LAMC1: variants seen among roughly 807,000 people sequenced by gnomAD.
LAMC1 encodes the protein laminin subunit gamma-1.
Under a neutral mutation model 173.6 loss-of-function variants are expected in LAMC1, and 38 were observed. The ratio of observed to expected loss-of-function variants is 0.22; its 90% CI spans 0.17 to 0.29. The LOEUF (loss-of-function observed/expected upper bound fraction) is 0.29, where lower values mean the gene tolerates loss of function less well. LAMC1 is among the 10% of genes least tolerant of loss of function. The pLI, the probability that LAMC1 is intolerant of heterozygous loss-of-function variation, is 1.00. For missense variants in LAMC1, 1,824 were observed against 2,051.8 expected, an observed-to-expected ratio of 0.89 and a Z score of 2.14; for synonymous variants, 746 against 749.1, an observed-to-expected ratio of 1.00 and a Z score of 0.07.
At chr1:183,085,723 T>G (rs1220162570) in intron 1 of LAMC1, among the ~76,000 whole-genome samples, 1 of 152,124 alleles carries the variant, frequency 6.6e-6, no homozygotes, top group East Asian at 1.9e-4. Context: ...GCTCCGTTAC[T>G]GTAGGCATTT....
At chr1:183,059,820 T>G (rs575528990) in intron 1 of LAMC1, among the ~76,000 whole-genome samples, 30 of 152,230 alleles carry the variant, frequency 2.0e-4, no homozygotes, top group Non-Finnish European at 2.4e-4. Flanking sequence ...AGGTTTGGAT[T>G]TCATTTACCA....
At chr1:183,099,044 A>G (rs975544513) in intron 1 of LAMC1, among the ~76,000 whole-genome samples, 2 of 151,934 alleles carry the variant, frequency 1.3e-5, no homozygotes, top group Admixed American at 1.3e-4. Flanking sequence ...TGGTAGATTA[A>G]CTACACTCAC....
At chr1:183,107,632 C>T (rs987925474) in intron 2 of LAMC1, among the ~76,000 whole-genome samples, 1 of 152,140 alleles carries the variant, frequency 6.6e-6, no homozygotes, top group Non-Finnish European at 1.5e-5. Flanking sequence ...AGATCGAGAC[C>T]ATCCTGGCTA....
At chr1:183,123,820 G>T (rs1218903809) in intron 13 of LAMC1, among the ~76,000 whole-genome samples, 2 of 152,192 alleles carry the variant, frequency 1.3e-5, no homozygotes, top group Admixed American at 6.5e-5. Flanking sequence ...AACAGTGCTG[G>T]TATATAGTAG....
chr1:183,116,758 C>A lies in LAMC1; in HGVS notation c.1428-9C>A, dbSNP rs763775660. 4.3e-6 allele frequency: 7 copies of A among 1,613,462 alleles called. No homozygotes were observed. In the East Asian group the frequency reaches 1.3e-4, roughly 31 times the overall value. On this transcript the variant is annotated splice_polypyrimidine_tract_variant and intron_variant, in intron 7 of 27. Coordinates refer to ENST00000258341, the MANE Select transcript of LAMC1 (RefSeq NM_002293.4). ...AAAAAGTAACTGATTGTGTCTTAAT[C>A]TTTTTCAGATGCAAACCTGGATTTT...
rs185192069 is a variant in LAMC1 at position 183,099,013 on chromosome 1, C to G, written c.419-4315C>G. 2.5e-3 allele frequency among the ~76,000 whole-genome samples: 376 copies of G among 152,252 alleles called. 1 individual carries two copies. The highest frequency in any genetic ancestry group is 8.6e-3 in the African/African-American group (357 of 41,554). On this transcript the variant is annotated intron_variant, in intron 1 of 27. Coordinates refer to ENST00000258341, the MANE Select transcript of LAMC1 (RefSeq NM_002293.4). ...CAAATATCATCTTCCCCTCCTTCTC[C>G]TCTTCTTTAGGCAGACTACATGGTA...
At chr1:183,132,041 G>A (rs541789225) in intron 20 of LAMC1, among the ~76,000 whole-genome samples, 2 of 152,342 alleles carry the variant, frequency 1.3e-5, no homozygotes, top group East Asian at 3.9e-4. Context: ...GCTCATGCCT[G>A]TAATCCCAGC....
chr1:183,080,952 G>A (rs12128323), intron 1 of LAMC1, among the ~76,000 whole-genome samples: 76,137 of 151,824 alleles, frequency 0.5, 19,720 homozygotes, highest in South Asian at 0.64. Flanking sequence ...GCGCTGGCGC[G>A]ATCTTGGCTC....
At chr1:183,105,426 T>C (rs1399699336) in intron 2 of LAMC1, among the ~76,000 whole-genome samples, 1 of 107,338 alleles carries the variant, frequency 9.3e-6, no homozygotes, top group African/African-American at 2.9e-5. Context: ...GAAAGAACAG[T>C]GTAGTCAGTA....
intron 1 of LAMC1, among the ~76,000 whole-genome samples, chr1:183,057,091 A>G (rs1187998077): frequency 6.6e-6 from 1 of 152,232 alleles, no homozygotes; most frequent in Non-Finnish European, 1.5e-5. Context: ...TGTAAGGATA[A>G]GGAAAATGCA....
Position 183,136,535 on chromosome 1 carries a change from G to T in LAMC1, c.4264G>T (p.Ala1422Ser). The T allele has an allele frequency of 6.2e-7, 1 of 1,613,860 alleles. No homozygotes were observed. The highest frequency in any genetic ancestry group is 8.5e-7 in the Non-Finnish European group (1 of 1,179,836). ...CAGTGCTGCGGCGGATGCCACAGAG[G>T]CCAAGAACAAGGCCCATGAGGCGGA... is the stretch of plus-strand genomic sequence containing the variant. ...LGSAAADATEAKNKAHEAERI... is the reference protein window; with the variant it reads ...LGSAAADATESKNKAHEAERI... Residue 1422 changes from alanine (A) to serine (S), a missense_variant, in exon 25 of 28, where the codon GCC becomes TCC. By Grantham distance (99) the Ala-to-Ser change is moderately conservative. Transcript: ENST00000258341.
At chr1:183,129,633 T>C (rs557730547) in intron 18 of LAMC1, among the ~76,000 whole-genome samples, 19 of 152,214 alleles carry the variant, frequency 1.2e-4, no homozygotes, top group Non-Finnish European at 2.5e-4. Context: ...AAATATGAAT[T>C]GGTCAATTTA....
At chr1:183,027,700 A>G (rs1247648121) in intron 1 of LAMC1, among the ~76,000 whole-genome samples, 1 of 152,232 alleles carries the variant, frequency 6.6e-6, no homozygotes, top group Non-Finnish European at 1.5e-5. Flanking sequence ...TTAAATCTGC[A>G]TCTGCATATC....
Position 183,104,112 on chromosome 1 carries a change from A to C in LAMC1, c.723+480A>C, listed in dbSNP as rs1162480595. On this transcript the variant is annotated intron_variant, in intron 2 of 27. Transcript: ENST00000258341. The stretch of plus-strand genomic sequence containing the variant: ...GAATGCCATCTTCTTTCATTTTTAC[A>C]CAAGAAAATTTTGATTAGATTTGTC... 3.9e-5 allele frequency among the ~76,000 whole-genome samples: 6 copies of C among 152,212 alleles called. No homozygotes were observed. The East Asian group carries it at 1.2e-3, about 29-fold the overall frequency.
At chr1:183,065,179 T>C (rs1286395382) in intron 1 of LAMC1, among the ~76,000 whole-genome samples, 1 of 152,122 alleles carries the variant, frequency 6.6e-6, no homozygotes, top group African/African-American at 2.4e-5. Flanking sequence ...AAAGGTACGG[T>C]AAAAATACGG....
intron 1 of LAMC1, among the ~76,000 whole-genome samples, chr1:183,044,827 T>A (rs1440447361): frequency 6.6e-6 from 1 of 152,048 alleles, no homozygotes; most frequent in Non-Finnish European, 1.5e-5. Context: ...CCAAGTTAAA[T>A]ACCTTTCTTT....
At chr1:183,056,758 T>C (rs931165108) in intron 1 of LAMC1, among the ~76,000 whole-genome samples, 1 of 152,182 alleles carries the variant, frequency 6.6e-6, no homozygotes, top group African/African-American at 2.4e-5. Flanking sequence ...CACCACCCTA[T>C]GTACCGTTTC....
At chr1:183,056,788 C>T (rs1372726004) in intron 1 of LAMC1, among the ~76,000 whole-genome samples, 1 of 152,168 alleles carries the variant, frequency 6.6e-6, no homozygotes, top group Non-Finnish European at 1.5e-5. Context: ...GCCTGTAAAA[C>T]AACAAACACC....
chr1:183,066,501 C>G (rs1210492112), intron 1 of LAMC1, among the ~76,000 whole-genome samples: 1 of 152,200 alleles, frequency 6.6e-6, no homozygotes, highest in Non-Finnish European at 1.5e-5. Context: ...AAGACACATG[C>G]ACACATACGT....
Sources: allele counts gnomAD v4.1 joint callset (sites outside exome capture counted in the v4.1 genomes callset), GRCh38; gene constraint gnomAD v4.1.1; transcripts MANE v1.5; gene names NCBI Gene and HGNC (gene_info 2026-07-23, HGNC 2026-07-21).